FBN2: variants seen among roughly 807,000 people sequenced by gnomAD.
The protein encoded by FBN2 is fibrillin-2.
FBN2 carries 105 observed loss-of-function variants against 355.6 expected under a neutral mutation model. The observed-to-expected ratio is 0.30, with a 90% CI of 0.25 to 0.35. The LOEUF is 0.35. Ranked by LOEUF, FBN2 falls within the 10% of genes least tolerant of loss-of-function variation. The pLI is 1.00. For synonymous variants in FBN2, 1,350 were observed against 1,301.2 expected (o/e 1.04, Z -0.81); for missense variants, 3,280 against 3,758.7 (o/e 0.87, Z 3.33).
intron 41 of FBN2, among the ~76,000 whole-genome samples, chr5:128,308,129 T>A (rs1297417922): frequency 1.3e-5 from 2 of 152,156 alleles, no homozygotes; most frequent in Non-Finnish European, 2.9e-5. Context: ...GAGAAATTAG[T>A]TTCAGAAAGG....
At chr5:128,415,898 CT>C (rs1447372340) in intron 7 of FBN2, among the ~76,000 whole-genome samples, 1 of 152,092 alleles carries the variant, frequency 6.6e-6, no homozygotes, top group Non-Finnish European at 1.5e-5. Context: ...GTGATTTTAA[CT>C]GGAATAAGAT....
At chr5:128,273,477 T>C (rs528070465) in intron 61 of FBN2, among the ~76,000 whole-genome samples, 1 of 152,352 alleles carries the variant, frequency 6.6e-6, no homozygotes, top group South Asian at 2.1e-4. Context: ...TTAATTCTTA[T>C]ACATTTAAGA....
intron 23 of FBN2, 113 bp downstream of exon 23, chr5:128,349,234 T>C (rs1751278118): frequency 7.9e-7 from 1 of 1,270,216 alleles, no homozygotes; most frequent in African/African-American, 1.5e-5. Flanking sequence ...AATATCTCAT[T>C]TAAAGCAAGT....
At chr5:128,534,229 G>A (rs1157782258) in intron 2 of FBN2, among the ~76,000 whole-genome samples, 2 of 152,048 alleles carry the variant, frequency 1.3e-5, no homozygotes, top group Admixed American at 1.3e-4. Flanking sequence ...GTGTGATACA[G>A]ATAAATCCAA....
chr5:128,474,007 G>C (rs944931029), intron 5 of FBN2, among the ~76,000 whole-genome samples: 6 of 152,272 alleles, frequency 3.9e-5, no homozygotes, highest in Admixed American at 3.9e-4. Context: ...TGACATCAAA[G>C]GGCATTTTAA....
chr5:128,536,453 A>G lies in FBN2; in HGVS notation c.286T>C (p.Tyr96His). 6.2e-7 allele frequency: 1 copy of G among 1,614,060 alleles called. No individual in the cohort carries two copies. Among genetic ancestry groups the G allele is most frequent in the Non-Finnish European group, 8.5e-7 (1 of 1,179,962 alleles). The change falls in exon 2 of 65, where the codon TAC (tyrosine) becomes CAC (histidine). Residue 96 changes from tyrosine (Y) to histidine (H), a missense_variant. Physicochemically the swap from Tyr to His is moderately conservative, Grantham distance 83. Around this residue, in one of 6 missense-constraint regions of FBN2, gnomAD observed 203 missense variants for 142.2 expected, o/e 1.43. Coordinates refer to ENST00000262464, the MANE Select transcript of FBN2 (RefSeq NM_001999.4). ...AGCGTCTTCCATCCAGGGCAGCAGTAGGAGTGGAATCTGGAGCCGCACACG... is the reference window on the plus strand; with the variant it reads ...AGCGTCTTCCATCCAGGGCAGCAGTGGGAGTGGAATCTGGAGCCGCACACG... ...PNVCGSRFHS[Y>H]CCPGWKTLPG...
At chr5:128,400,165 T>C (rs112888485) in intron 8 of FBN2, among the ~76,000 whole-genome samples, 2 of 152,090 alleles carry the variant, frequency 1.3e-5, no homozygotes, top group South Asian at 4.2e-4. Context: ...GAAGCTTTAT[T>C]TTTTGGTTTA....
In FBN2 at chr5:128,392,050, C is replaced by A. The variant is rs753734866; in HGVS notation, c.1571G>T (p.Gly524Val). ...VSSYRCECNMGYKQDANGDCI... is the reference protein window; with the variant it reads ...VSSYRCECNMVYKQDANGDCI... The stretch of plus-strand genomic sequence containing the variant: ...ATCTCCATTTGCATCCTGCTTATAA[C>A]CCATGTTGCATTCACATCGGTAGCT... Residue 524 changes from glycine (G) to valine (V), a missense_variant, in exon 11 of 65, where the codon GGT becomes GTT. By Grantham distance (109) the Gly-to-Val change is moderately radical (BLOSUM62 -3). Around this residue, in one of 6 missense-constraint regions of FBN2, gnomAD observed 2,284 missense variants for 2,749.5 expected, o/e 0.83. Transcript: ENST00000262464. 3.1e-5 allele frequency: 50 copies of A among 1,613,684 alleles called. No homozygotes were observed. The highest frequency in any genetic ancestry group is 3.8e-5 in the Non-Finnish European group (45 of 1,179,754).
intron 34 of FBN2, among the ~76,000 whole-genome samples, chr5:128,323,807 A>C (rs948237747): frequency 2.6e-5 from 4 of 152,210 alleles, no homozygotes; most frequent in Non-Finnish European, 5.9e-5. Flanking sequence ...TGGCCTCATA[A>C]AATGAGTTAG....
At chr5:128,471,494 C>G (rs1754858975) in intron 5 of FBN2, among the ~76,000 whole-genome samples, 1 of 152,054 alleles carries the variant, frequency 6.6e-6, no homozygotes, top group South Asian at 2.1e-4. Flanking sequence ...AAGCATCTTT[C>G]AATCTCAGAA....
chr5:128,278,128 A>G (rs1765442605), intron 57 of FBN2, 123 bp from the exon 58 acceptor site: 1 of 941,686 alleles, frequency 1.1e-6, no homozygotes, highest in East Asian at 2.5e-5. Flanking sequence ...TCCTAATAGC[A>G]CTGGAGCACC....
chr5:128,502,683 G>A (rs1234590386), intron 5 of FBN2, among the ~76,000 whole-genome samples: 1 of 152,088 alleles, frequency 6.6e-6, no homozygotes, highest in Non-Finnish European at 1.5e-5. Flanking sequence ...AAGAAATTGT[G>A]GCCTAAGTAT....
rs890520660 is a variant in FBN2, at chr5:128,272,181, C to G, written c.7841-63G>C. 5 of 1,580,936 alleles carry G rather than the reference C, an allele frequency of 3.2e-6. No homozygotes were observed. In the African/African-American group the frequency reaches 4.0e-5, roughly 13 times the overall value. ...TTCTTCTACTATTTTTAAATGCACTCCAAACGAAACCTGGGGTAACTGTTA... is the reference window on the plus strand; with the variant it reads ...TTCTTCTACTATTTTTAAATGCACTGCAAACGAAACCTGGGGTAACTGTTA... On this transcript the variant is annotated intron_variant, in intron 61 of 64. Transcript: ENST00000262464.
chr5:128,464,932 G>A lies in FBN2; in HGVS notation c.629-11C>T, dbSNP rs2127084540. 1.2e-6 allele frequency: 2 copies of A among 1,613,726 alleles called. No individual in the cohort carries two copies. The highest frequency in any genetic ancestry group is 1.7e-6 in the Non-Finnish European group (2 of 1,179,626). ...GGCCTGTCCTGTAATCTGGAATGTG[G>A]GAGAAGAAAGAAAGACAGGTTTTAT... On this transcript the variant is annotated splice_polypyrimidine_tract_variant and intron_variant, in intron 5 of 64. Coordinates refer to ENST00000262464, the MANE Select transcript of FBN2 (RefSeq NM_001999.4).
chr5:128,392,059 C>T lies in FBN2; in HGVS notation c.1562G>A (p.Cys521Tyr), dbSNP rs1752528930. The change falls in exon 11 of 65, where the codon TGC becomes TAC. Residue 521 changes from cysteine (C) to tyrosine (Y), a missense_variant. Cys to Tyr is a radical substitution (Grantham distance 194, BLOSUM62 -2). This residue lies in a region of FBN2 where 2,284 missense variants were observed against 2,749.5 expected (regional missense o/e 0.83). Transcript: ENST00000262464. The part of the protein sequence containing the change: ...IPTVSSYRCE[C>Y]NMGYKQDANG... ...TGCATCCTGCTTATAACCCATGTTGCATTCACATCGGTAGCTTGAGACAGT... is the reference window on the plus strand; with the variant it reads ...TGCATCCTGCTTATAACCCATGTTGTATTCACATCGGTAGCTTGAGACAGT... The T allele has an allele frequency of 6.2e-7, 1 of 1,613,586 alleles. No homozygotes were observed. The highest frequency in any genetic ancestry group is 8.5e-7 in the Non-Finnish European group (1 of 1,179,544).
chr5:128,326,277 A>G (rs766194409), intron 34 of FBN2, among the ~76,000 whole-genome samples: 7 of 152,188 alleles, frequency 4.6e-5, no homozygotes, highest in Non-Finnish European at 7.3e-5. Context: ...CAGTCGCCCA[A>G]AGTTTCGTAA....
chr5:128,305,204 A>G, intron 44 of FBN2, 122 bp from the exon 45 acceptor site: 1 of 922,050 alleles, frequency 1.1e-6, no homozygotes, highest in Admixed American at 2.1e-5. Flanking sequence ...ATGAACCATA[A>G]CAACAGCTGA....
chr5:128,330,559 G>A lies in FBN2; in HGVS notation c.4345+14C>T. Reference sequence around the variant, plus strand: ...GACCATCCCGTCAGAGCACACCTCAGGACTGTCACCCACCTGAGCAGGTAA... The same window carrying A: ...GACCATCCCGTCAGAGCACACCTCAAGACTGTCACCCACCTGAGCAGGTAA... On this transcript the variant is annotated intron_variant, in intron 33 of 64. Coordinates refer to ENST00000262464, the MANE Select transcript of FBN2 (RefSeq NM_001999.4). 1 of 1,613,982 alleles carries A rather than the reference G, an allele frequency of 6.2e-7. No individual in the cohort carries two copies. Among genetic ancestry groups the A allele is most frequent in the Admixed American group, 1.7e-5 (1 of 60,006 alleles).
intron 33 of FBN2, 138 bp downstream of exon 33, chr5:128,330,435 C>T: frequency 2.4e-6 from 2 of 831,572 alleles, no homozygotes; most frequent in Non-Finnish European, 4.0e-6. Context: ...GAGAAAGATA[C>T]ATAGTCACCT....
Sources: gnomAD v4.1 joint callset for allele counts (sites outside exome capture counted in the v4.1 genomes callset) on GRCh38, gnomAD v4.1.1 for gene constraint, gnomAD v4.1.1 regional missense constraint, MANE v1.5 for transcripts, NCBI Gene and HGNC (gene_info 2026-07-23, HGNC 2026-07-21) for gene names.